GOLPH3L: variants seen among roughly 807,000 people sequenced by gnomAD.
GOLPH3L encodes Golgi phosphoprotein 3-like.
Under a neutral mutation model 30.3 loss-of-function variants are expected in GOLPH3L, and 22 were observed. That is an observed-to-expected ratio of 0.73 (90% CI 0.52 to 1.04). GOLPH3L has a LOEUF of 1.04. GOLPH3L is among the 50% of genes least tolerant of loss of function. The probability of loss-of-function intolerance (pLI) is 0.00; values close to 1 mark genes in which losing one functional copy is unlikely to be tolerated. For synonymous variants in GOLPH3L, 120 were observed against 128.2 expected (o/e 0.94, Z 0.43); for missense variants, 303 against 345.8 (o/e 0.88, Z 0.98).
At chr1:150,677,331 G>A (rs1650834761) in intron 2 of GOLPH3L, among the ~76,000 whole-genome samples, 1 of 151,816 alleles carries the variant, frequency 6.6e-6, no homozygotes, top group South Asian at 2.1e-4. Context: ...CTGCCTCCTG[G>A]GTCCAAGTGA....
chr1:150,688,155 T>A (rs1651134396), intron 2 of GOLPH3L, among the ~76,000 whole-genome samples: 1 of 152,246 alleles, frequency 6.6e-6, no homozygotes, highest in Non-Finnish European at 1.5e-5. Context: ...CTATTGGTGA[T>A]TACATGACTG....
intron 2 of GOLPH3L, among the ~76,000 whole-genome samples, chr1:150,691,448 G>C (rs912427067): frequency 1.3e-5 from 2 of 152,014 alleles, no homozygotes; most frequent in South Asian, 2.1e-4. Context: ...CTCGGGAGGC[G>C]CAGGTTGCAG....
chr1:150,674,803 G>C (rs587671381), intron 2 of GOLPH3L, among the ~76,000 whole-genome samples: 1 of 151,978 alleles, frequency 6.6e-6, no homozygotes, highest in South Asian at 2.1e-4. Flanking sequence ...GAGGTGGAAG[G>C]ATCCCTCAAG....
At chr1:150,685,812 C>A (rs1340094554) in intron 2 of GOLPH3L, among the ~76,000 whole-genome samples, 9 of 151,068 alleles carry the variant, frequency 6.0e-5, no homozygotes, top group African/African-American at 2.2e-4. Flanking sequence ...CGATCCTGAA[C>A]AATTCTCTTT....
intron 4 of GOLPH3L, among the ~76,000 whole-genome samples, chr1:150,653,231 A>G (rs946283371): frequency 1.3e-5 from 2 of 149,870 alleles, no homozygotes; most frequent in Non-Finnish European, 1.5e-5. Flanking sequence ...AAAGAGGGAG[A>G]GGGAATAGAG....
chr1:150,693,228 A>G (rs1379351603), intron 2 of GOLPH3L, among the ~76,000 whole-genome samples: 1 of 152,218 alleles, frequency 6.6e-6, no homozygotes, highest in Admixed American at 6.5e-5. Flanking sequence ...GTAATTTAAC[A>G]AGAAAAAAAG....
At chr1:150,667,717 C>T (rs1057275855) in intron 2 of GOLPH3L, among the ~76,000 whole-genome samples, 3 of 151,630 alleles carry the variant, frequency 2.0e-5, no homozygotes, top group Non-Finnish European at 2.9e-5. Flanking sequence ...CCTCAGCCTC[C>T]GAGTAGCTGG....
rs587758959 is a variant in GOLPH3L at position 150,689,394 on chromosome 1, T to C, written c.183+5262A>G. Among the ~76,000 whole-genome samples, 3 of 152,340 alleles carry C rather than the reference T, an allele frequency of 2.0e-5. No homozygotes were observed. In the South Asian group the frequency reaches 6.2e-4, roughly 32 times the overall value. On this transcript the variant is annotated intron_variant, in intron 2 of 4. Transcript: ENST00000271732. ...AGCAAGTCAATTAAAACACTGTTCA[T>C]GAGTTAATAATCTATATCAAAACTC...
chr1:150,666,634 G>T (rs1193356128), intron 2 of GOLPH3L, among the ~76,000 whole-genome samples: 1 of 152,080 alleles, frequency 6.6e-6, no homozygotes, highest in Non-Finnish European at 1.5e-5. Context: ...CACCAGCCTG[G>T]CCTTTGGAGA....
In GOLPH3L at chr1:150,697,061, T is replaced by TCTCCC. The variant is rs1005672020; in HGVS notation, c.-87_-83dup. The TCTCCC allele has an allele frequency of 2.0e-5, 3 of 152,078 alleles. No homozygotes were observed. Among genetic ancestry groups the TCTCCC allele is most frequent in the African/African-American group, 7.3e-5 (3 of 41,354 alleles). The allele number at this position is 152,078 out of a possible 1,614,324, so 9.4% of individuals were successfully genotyped here. A position where few individuals can be genotyped will look rare whatever the true frequency, so the allele number is the denominator to read the frequency against. ...TGCTGTATTTTAGAAGGACACCTGT[T>TCTCCC]CTCCCCACCCCACCCCCGTCCTAGT... On this transcript the variant is annotated 5_prime_UTR_variant, in exon 1 of 5. Coordinates refer to ENST00000271732, the MANE Select transcript of GOLPH3L (RefSeq NM_018178.6).
Position 150,648,337 on chromosome 1 carries a change from G to A in GOLPH3L, c.842C>T (p.Ala281Val), listed in dbSNP as rs147485965. ...ATEMIWAVLA[A>V]FNKS Reference sequence around the variant, plus strand: ...CTGCCGGCTTTAAGATTTATTGAAGGCTGCCAGCACAGCCCAGATCATTTC... The same window carrying A: ...CTGCCGGCTTTAAGATTTATTGAAGACTGCCAGCACAGCCCAGATCATTTC... The change falls in exon 5 of 5, where the codon GCC (alanine) becomes GTC (valine). Residue 281 changes from alanine (A) to valine (V), a missense_variant. Ala to Val is a moderately conservative substitution (Grantham distance 64). Coordinates refer to ENST00000271732, the MANE Select transcript of GOLPH3L (RefSeq NM_018178.6). 93 of 1,593,906 alleles carry A rather than the reference G, an allele frequency of 5.8e-5. No homozygotes were observed. The East Asian group carries it at 2.0e-3, about 34-fold the overall frequency.
At chr1:150,673,292 G>A (rs1366273927) in intron 2 of GOLPH3L, among the ~76,000 whole-genome samples, 1 of 152,068 alleles carries the variant, frequency 6.6e-6, no homozygotes, top group African/African-American at 2.4e-5. Flanking sequence ...AGCCAGGCGC[G>A]GTGGCTCATG....
At chr1:150,668,141 T>A (rs1190348372) in intron 2 of GOLPH3L, among the ~76,000 whole-genome samples, 1 of 152,202 alleles carries the variant, frequency 6.6e-6, no homozygotes, top group African/African-American at 2.4e-5. Context: ...TGCAAACAAC[T>A]ATTTCTCCTG....
chr1:150,673,961 T>G (rs1432331007), intron 2 of GOLPH3L, among the ~76,000 whole-genome samples: 2 of 150,128 alleles, frequency 1.3e-5, no homozygotes, highest in Non-Finnish European at 3.0e-5. Flanking sequence ...ATGGAAAACA[T>G]GTCCAGGCTC....
chr1:150,670,152 C>T (rs972883851), intron 2 of GOLPH3L, among the ~76,000 whole-genome samples: 1 of 151,696 alleles, frequency 6.6e-6, no homozygotes, highest in Non-Finnish European at 1.5e-5. Context: ...ATCCCAGCCA[C>T]TCAGGAAGCT....
intron 2 of GOLPH3L, among the ~76,000 whole-genome samples, chr1:150,667,857 G>T (rs1650545880): frequency 1.3e-5 from 2 of 152,056 alleles, no homozygotes; most frequent in African/African-American, 4.8e-5. Flanking sequence ...GCCTCCCAAA[G>T]TGCTGGGATT....
intron 4 of GOLPH3L, among the ~76,000 whole-genome samples, chr1:150,649,577 C>T (rs184768998): frequency 1.3e-5 from 2 of 152,204 alleles, no homozygotes; most frequent in Admixed American, 1.3e-4. Flanking sequence ...AACAGAAAGC[C>T]AAGAAAAGTC....
intron 2 of GOLPH3L, among the ~76,000 whole-genome samples, chr1:150,675,426 C>A (rs1277110804): frequency 6.6e-6 from 1 of 152,018 alleles, no homozygotes; most frequent in African/African-American, 2.4e-5. Flanking sequence ...TTTCTGTATA[C>A]ATAAAATACA....
intron 2 of GOLPH3L, among the ~76,000 whole-genome samples, chr1:150,684,315 G>A (rs80051715): frequency 6.6e-6 from 1 of 152,248 alleles, no homozygotes; most frequent in East Asian, 1.9e-4. Flanking sequence ...TCTAGAAGAG[G>A]CTTGTCTAGT....
Sources: gnomAD v4.1 joint callset for allele counts (sites outside exome capture counted in the v4.1 genomes callset) on GRCh38, gnomAD v4.1.1 for gene constraint, MANE v1.5 for transcripts, NCBI Gene and HGNC (gene_info 2026-07-23, HGNC 2026-07-21) for gene names.